Variants in NCOA1 observed in about 807,000 individuals in gnomAD.
NCOA1 encodes the protein nuclear receptor coactivator 1, also known as Hin-2 protein.
Under a neutral mutation model 150.9 loss-of-function variants are expected in NCOA1, and 35 were observed. The observed-to-expected ratio is 0.23, with a 90% CI of 0.18 to 0.31. The LOEUF is 0.31. Among genes scored for constraint, NCOA1 ranks in the 10% least tolerant of loss-of-function variants. The pLI, the probability that NCOA1 is intolerant of heterozygous loss-of-function variation, is 1.00. For synonymous variants in NCOA1, 590 were observed against 630.0 expected, an observed-to-expected ratio of 0.94 and a Z score of 0.95; for missense variants, 1,491 against 1,749.3, an observed-to-expected ratio of 0.85 and a Z score of 2.63.
chr2:24,573,284 A>G (rs1433722943), intron 2 of NCOA1, among the ~76,000 whole-genome samples: 3 of 152,180 alleles, frequency 2.0e-5, no homozygotes. Context: ...TACTTTATAC[A>G]TATTTTCAGA....
At chr2:24,643,755 T>C (rs1670340443) in intron 3 of NCOA1, among the ~76,000 whole-genome samples, 1 of 152,154 alleles carries the variant, frequency 6.6e-6, no homozygotes, top group South Asian at 2.1e-4. Flanking sequence ...TAAGCAGCAT[T>C]CTCAAATAGG....
intron 19 of NCOA1, among the ~76,000 whole-genome samples, chr2:24,751,377 G>A (rs777832271): frequency 6.6e-6 from 1 of 151,380 alleles, no homozygotes. Context: ...GAGGTCAGGA[G>A]TTCGAGACCA....
chr2:24,737,164 T>C (rs897067172), intron 17 of NCOA1, among the ~76,000 whole-genome samples: 1 of 152,200 alleles, frequency 6.6e-6, no homozygotes, highest in African/African-American at 2.4e-5. Context: ...AGCTGAGGAA[T>C]GTAGCGATCC....
At chr2:24,519,211 AT>A (rs1664323598) in intron 1 of NCOA1, among the ~76,000 whole-genome samples, 1 of 152,244 alleles carries the variant, frequency 6.6e-6, no homozygotes, top group Non-Finnish European at 1.5e-5. Flanking sequence ...ACAATGAAAT[AT>A]TATAATTCAA....
intron 1 of NCOA1, among the ~76,000 whole-genome samples, chr2:24,508,652 T>G (rs952739597): frequency 6.6e-6 from 1 of 152,168 alleles, no homozygotes; most frequent in Non-Finnish European, 1.5e-5. Context: ...TAATTTATCT[T>G]TTGAAGAACC....
At chr2:24,576,903 A>G (rs1369368020) in intron 2 of NCOA1, among the ~76,000 whole-genome samples, 2 of 152,210 alleles carry the variant, frequency 1.3e-5, no homozygotes, top group Admixed American at 6.5e-5. Context: ...GAATTATGGT[A>G]TTCTGAGTCT....
chr2:24,681,038 C>A, intron 7 of NCOA1, among the ~76,000 whole-genome samples: 2 of 147,562 alleles, frequency 1.4e-5, no homozygotes. Context: ...TTCTTCCAAA[C>A]ATCAGAAGAT....
intron 3 of NCOA1, among the ~76,000 whole-genome samples, chr2:24,599,275 T>C (rs1446802025): frequency 6.6e-6 from 1 of 152,248 alleles, no homozygotes; most frequent in Admixed American, 6.5e-5. Context: ...TCCAATATAC[T>C]GGACATTCTG....
At chr2:24,765,089 A>G (rs1204503468) in intron 22 of NCOA1, among the ~76,000 whole-genome samples, 1 of 151,064 alleles carries the variant, frequency 6.6e-6, no homozygotes. Context: ...AGACAGGAGA[A>G]TCGCTTGAAC....
At chr2:24,533,039 A>G (rs1036379076) in intron 1 of NCOA1, among the ~76,000 whole-genome samples, 4 of 152,252 alleles carry the variant, frequency 2.6e-5, no homozygotes, top group East Asian at 1.9e-4. Flanking sequence ...AAATTACCTT[A>G]GGCAGTATGG....
At chr2:24,696,326 T>C (rs573019145) in intron 10 of NCOA1, among the ~76,000 whole-genome samples, 1 of 152,246 alleles carries the variant, frequency 6.6e-6, no homozygotes, top group East Asian at 1.9e-4. Flanking sequence ...AGATTTGAGT[T>C]GATTGTATGA....
intron 17 of NCOA1, among the ~76,000 whole-genome samples, chr2:24,734,104 G>A (rs759924424): frequency 4.0e-5 from 6 of 151,482 alleles, no homozygotes; most frequent in South Asian, 4.2e-4. Context: ...TTGAATCCAG[G>A]AGGTGGAGGT....
chr2:24,756,938 A>C lies in NCOA1; in HGVS notation c.3882-1035A>C, dbSNP rs1664533466. 3.9e-5 allele frequency among the ~76,000 whole-genome samples: 6 copies of C among 152,218 alleles called. No homozygotes were observed. In the South Asian group the frequency reaches 1.2e-3, roughly 31 times the overall value. Reference sequence around the variant, plus strand: ...GGCTCTCTGAAAAACATAACTGCTTATGTATTTTGCTTCCTAGAAAAGACA... The same window carrying C: ...GGCTCTCTGAAAAACATAACTGCTTCTGTATTTTGCTTCCTAGAAAAGACA... On this transcript the variant is annotated intron_variant, in intron 20 of 22. Transcript: ENST00000348332.
intron 22 of NCOA1, among the ~76,000 whole-genome samples, chr2:24,765,186 AAAGAG>A (rs1047501716): frequency 2.6e-5 from 4 of 151,812 alleles, no homozygotes; most frequent in African/African-American, 4.8e-5. Flanking sequence ...CAAAAAAAAA[AAAGAG>A]AGAGAGAGAG....
At chr2:24,710,857 G>T in intron 13 of NCOA1, 74 bp from the exon 14 acceptor site, 1 of 1,406,316 alleles carries the variant, frequency 7.1e-7, no homozygotes, top group Admixed American at 1.9e-5. Flanking sequence ...GTTTAAAGAA[G>T]CAGCATTTTT....
chr2:24,572,701 A>G (rs893137219), intron 2 of NCOA1, among the ~76,000 whole-genome samples: 10 of 152,166 alleles, frequency 6.6e-5, no homozygotes, highest in Admixed American at 5.9e-4. Flanking sequence ...ATAGGAGTGT[A>G]CTGAAGCAAC....
At chr2:24,562,543 T>C (rs951224966) in intron 1 of NCOA1, among the ~76,000 whole-genome samples, 1 of 151,710 alleles carries the variant, frequency 6.6e-6, no homozygotes, top group African/African-American at 2.4e-5. Context: ...CTGGAAGAGG[T>C]AGAGTGGCAA....
At chr2:24,738,880 G>A (rs182828480) in intron 17 of NCOA1, among the ~76,000 whole-genome samples, 1 of 152,090 alleles carries the variant, frequency 6.6e-6, no homozygotes, top group African/African-American at 2.4e-5. Context: ...CATTTTTTCA[G>A]ACCATTTGTT....
intron 3 of NCOA1, among the ~76,000 whole-genome samples, chr2:24,609,284 G>A (rs1481265660): frequency 1.3e-5 from 2 of 152,114 alleles, no homozygotes; most frequent in African/African-American, 4.8e-5. Context: ...GTTTTAGTGG[G>A]TTATGTATCT....
Sources: gnomAD v4.1 joint callset for allele counts (sites outside exome capture counted in the v4.1 genomes callset) on GRCh38, gnomAD v4.1.1 for gene constraint, MANE v1.5 for transcripts, NCBI Gene and HGNC (gene_info 2026-07-23, HGNC 2026-07-21) for gene names.